The following CYFIP2 variants were observed in gnomAD, a reference collection of about 807,000 sequenced individuals.
The protein encoded by CYFIP2 is cytoplasmic FMR1-interacting protein 2.
CYFIP2 carries 29 observed loss-of-function variants against 158.7 expected under a neutral mutation model. That is an observed-to-expected ratio of 0.18 (90% CI 0.14 to 0.25). CYFIP2 has a LOEUF of 0.25. CYFIP2 is among the 10% of genes least tolerant of loss of function. The pLI is 1.00. For synonymous variants in CYFIP2, 585 were observed against 617.6 expected, an observed-to-expected ratio of 0.95 and a Z score of 0.78; for missense variants, 852 against 1,639.5, an observed-to-expected ratio of 0.52 and a Z score of 8.29.
At chr5:157,369,879 G>GTTTTGTTTTTTT (rs534240919) in intron 26 of CYFIP2, among the ~76,000 whole-genome samples, 21 of 103,286 alleles carry the variant, frequency 2.0e-4, no homozygotes, top group African/African-American at 5.7e-4. Flanking sequence ...AATGGACCTA[G>GTTTTGTTTTTTT]TTTTTTTTTT....
Position 157,334,143 on chromosome 5 carries a change from A to G in CYFIP2, c.2385+697A>G, listed in dbSNP as rs147760007. 2.1e-3 allele frequency among the ~76,000 whole-genome samples: 324 copies of G among 152,340 alleles called. 3 individuals carry two copies. Among genetic ancestry groups the G allele is most frequent in the African/African-American group, 7.6e-3 (317 of 41,570 alleles). ...ATAAAAATTGTAGGCAAGATCTGTC[A>G]ATGGTTGCTAAAATAAGTGGGCAGA... On this transcript the variant is annotated intron_variant, in intron 21 of 30. Transcript: ENST00000620254.
chr5:157,320,831 C>A lies in CYFIP2; in HGVS notation c.1671+29C>A, dbSNP rs374144435. On this transcript the variant is annotated intron_variant, in intron 15 of 30. Coordinates refer to ENST00000620254, the MANE Select transcript of CYFIP2 (RefSeq NM_001037333.3). The stretch of plus-strand genomic sequence containing the variant: ...AGCGGCTCCAGGCACAGGCCAGCTG[C>A]GTTGACTCAGAGGCCAGCCGGGCTA... 5.3e-6 allele frequency: 8 copies of A among 1,519,654 alleles called. No individual in the cohort carries two copies. The African/African-American group carries it at 1.1e-4, about 21-fold the overall frequency. The allele number at this position is 1,519,654 out of a possible 1,614,324, so 94.1% of individuals were successfully genotyped here. A position where few individuals can be genotyped will look rare whatever the true frequency, so the allele number is the denominator to read the frequency against.
intron 26 of CYFIP2, chr5:157,364,660 C>T (rs1179606077): frequency 6.6e-6 from 1 of 152,188 alleles, no homozygotes; most frequent in Non-Finnish European, 1.5e-5. Flanking sequence ...TCACTGAAGT[C>T]CTCATTCTGC....
At chr5:157,300,627 C>T in intron 5 of CYFIP2, 88 bp from the exon 6 acceptor site, 1 of 1,196,676 alleles carries the variant, frequency 8.4e-7, no homozygotes, top group Non-Finnish European at 1.1e-6. Context: ...CTCGAGAGGG[C>T]TGGCTCTGAG....
At chr5:157,338,577 A>G (rs1243354913) in intron 21 of CYFIP2, among the ~76,000 whole-genome samples, 1 of 152,250 alleles carries the variant, frequency 6.6e-6, no homozygotes, top group Non-Finnish European at 1.5e-5. Flanking sequence ...GTTGACACAT[A>G]TAAAACTGGC....
chr5:157,296,741 G>A lies in CYFIP2; in HGVS notation c.354G>A (p.Glu118=), dbSNP rs1478540050. The change falls in exon 5 of 31, where the codon GAG becomes GAA. Residue 118 remains glutamate, a synonymous_variant. Transcript: ENST00000620254. The stretch of plus-strand genomic sequence containing the variant: ...AGACAGTAGAGGTGCTGGAGCCGGA[G>A]GTCACCAAGCTCATGAAGTTCATGT... The part of the protein sequence containing the change: ...YEKTVEVLEP[E]VTKLMKFMYF... 6.2e-7 allele frequency: 1 copy of A among 1,613,692 alleles called. No individual in the cohort carries two copies. Among genetic ancestry groups the A allele is most frequent in the Non-Finnish European group, 8.5e-7 (1 of 1,179,764 alleles).
intron 28 of CYFIP2, chr5:157,384,724 C>T (rs111663740): frequency 0.035 from 11,930 of 343,738 alleles, 289 homozygotes; most frequent in Middle Eastern, 0.059. Flanking sequence ...CGGATCACCT[C>T]AGGTCAGGAG....
At chr5:157,362,484 TGCTTATTTACTTCTCAGGGCTA>T (rs1763927599) in intron 26 of CYFIP2, 1 of 152,278 alleles carries the variant, frequency 6.6e-6, no homozygotes. Context: ...CTTATCAGCT[TGCTTATTTACTTCTCAGGGCTA>T]GCTAGGTGCC....
At chr5:157,323,310 C>G (rs1391545358) in intron 15 of CYFIP2, among the ~76,000 whole-genome samples, 1 of 152,158 alleles carries the variant, frequency 6.6e-6, no homozygotes, top group African/African-American at 2.4e-5. Flanking sequence ...ACCAAGGGGG[C>G]GCCATCGCTC....
At chr5:157,370,473 A>G (rs1561775415) in intron 26 of CYFIP2, among the ~76,000 whole-genome samples, 1 of 152,246 alleles carries the variant, frequency 6.6e-6, no homozygotes, top group Admixed American at 6.5e-5. Context: ...GCAAAGTCAT[A>G]TAATTCCAGC....
intron 1 of CYFIP2, among the ~76,000 whole-genome samples, chr5:157,284,125 T>A (rs905996142): frequency 3.3e-5 from 5 of 152,180 alleles, no homozygotes; most frequent in Non-Finnish European, 5.9e-5. Flanking sequence ...TTTATTTTGC[T>A]TTGCTTTTTG....
rs369858004 is a variant in CYFIP2 at position 157,325,573 on chromosome 5, C to T, written c.1917C>T (p.Ile639=). The change falls in exon 17 of 31, where the codon ATC becomes ATT. Residue 639 remains isoleucine, a synonymous_variant. Coordinates refer to ENST00000620254, the MANE Select transcript of CYFIP2 (RefSeq NM_001037333.3). ...TGGGCCGACGAATCCAGTTCCCCAT[C>T]GAGATGTCCATGCCCTGGATTCTAA... The part of the protein sequence containing the change: ...LTMGRRIQFP[I]EMSMPWILTD... 3.0e-5 allele frequency: 48 copies of T among 1,613,316 alleles called. No individual in the cohort carries two copies. The highest frequency in any genetic ancestry group is 1.6e-4 in the Middle Eastern group (1 of 6,062).
intron 3 of CYFIP2, among the ~76,000 whole-genome samples, chr5:157,293,917 C>G (rs563666468): frequency 2.0e-4 from 31 of 152,194 alleles, no homozygotes; most frequent in African/African-American, 7.0e-4. Flanking sequence ...GTGTGGAAAA[C>G]AGGCCTCATG....
In CYFIP2 at chr5:157,311,886, G is replaced by A. The variant is rs913439851; in HGVS notation, c.1110+105G>A. 117 of 1,091,868 alleles carry A rather than the reference G, an allele frequency of 1.1e-4. 1 individual carries two copies. In the South Asian group the frequency reaches 1.6e-3, roughly 15 times the overall value. 67.6% of individuals were successfully genotyped at this position (1,091,868 alleles called of 1,614,324 possible). On this transcript the variant is annotated intron_variant, in intron 11 of 30. Transcript: ENST00000620254. This position sits in a 1 kb window ranked among gnomAD's most constrained non-coding sequence, Gnocchi z 4.7. ...ACCCACGGAACACTGGAGAGTAGAA[G>A]GGAGGGAGGCAGGAGGGTAAAGTGG...
intron 28 of CYFIP2, chr5:157,384,092 A>G (rs1204159046): frequency 1.2e-5 from 4 of 347,106 alleles, no homozygotes; most frequent in African/African-American, 8.6e-5. Context: ...GAGAGAAAGA[A>G]GACTTCAGCC....
At chr5:157,298,307 T>C (rs1758417785) in intron 5 of CYFIP2, among the ~76,000 whole-genome samples, 1 of 152,144 alleles carries the variant, frequency 6.6e-6, no homozygotes, top group Non-Finnish European at 1.5e-5. Flanking sequence ...CACAGAGTTG[T>C]ACATTCATCA....
intron 26 of CYFIP2, among the ~76,000 whole-genome samples, chr5:157,375,468 A>G (rs1765372521): frequency 6.6e-6 from 1 of 152,110 alleles, no homozygotes; most frequent in Admixed American, 6.5e-5. Flanking sequence ...GAAACCATGT[A>G]TCTTTGGATT....
At chr5:157,289,893 T>A (rs1450459765) in intron 3 of CYFIP2, among the ~76,000 whole-genome samples, 1 of 152,178 alleles carries the variant, frequency 6.6e-6, no homozygotes, top group Non-Finnish European at 1.5e-5. Flanking sequence ...AGATTCCATG[T>A]GTTAGTCATA....
At chr5:157,315,283 T>TA (rs1760048544) in intron 13 of CYFIP2, among the ~76,000 whole-genome samples, 189 bp downstream of exon 13, 2 of 151,630 alleles carry the variant, frequency 1.3e-5, no homozygotes, top group African/African-American at 4.9e-5. Context: ...ATTCTGTTCT[T>TA]AAAAATCCAA....
Sources: allele counts gnomAD v4.1 joint callset (sites outside exome capture counted in the v4.1 genomes callset), GRCh38; gene constraint gnomAD v4.1.1; non-coding constraint Gnocchi (gnomAD v3.1); transcripts MANE v1.5; gene names NCBI Gene and HGNC (gene_info 2026-07-23, HGNC 2026-07-21).